Variants in SRRM4 observed in about 807,000 individuals in gnomAD.
SRRM4 encodes serine/arginine repetitive matrix protein 4.
In SRRM4, 33 loss-of-function variants were observed where a neutral mutation model predicts 68.9. The observed-to-expected ratio is 0.48, with a 90% CI of 0.36 to 0.64. SRRM4 has a LOEUF of 0.64. Among genes scored for constraint, SRRM4 ranks in the 30% least tolerant of loss-of-function variants. The pLI is 0.00. For missense variants in SRRM4, 817 were observed against 827.1 expected (o/e 0.99, Z 0.15); for synonymous variants, 318 against 318.8 (o/e 1.00, Z 0.03).
Position 119,160,832 on chromosome 12 carries a change from C to T in SRRM4, c.*4034C>T, listed in dbSNP as rs1954508715. The T allele has an allele frequency of 6.6e-6, 1 of 152,202 alleles. No individual in the cohort carries two copies. The highest frequency in any genetic ancestry group is 1.5e-5 in the Non-Finnish European group (1 of 68,050). 9.4% of individuals were successfully genotyped at this position (152,202 alleles called of 1,614,324 possible). ...CCATCATGAAAGTAAAAACGAAAAG[C>T]AAGATTTGATCTCCCTTCAGTTAAT... On this transcript the variant is annotated 3_prime_UTR_variant, in exon 13 of 13. Transcript: ENST00000267260.
intron 1 of SRRM4, chr12:119,001,295 T>C (rs1411802306): frequency 6.6e-6 from 1 of 152,206 alleles, no homozygotes; most frequent in African/African-American, 2.4e-5. Context: ...CTGGAAGTGA[T>C]TCAACACTCC....
At chr12:119,015,739 G>A (rs775802998) in intron 1 of SRRM4, among the ~76,000 whole-genome samples, 3 of 151,846 alleles carry the variant, frequency 2.0e-5, no homozygotes, top group Middle Eastern at 3.4e-3. Context: ...CAAACAATAC[G>A]CAAATTCCTC....
intron 1 of SRRM4, among the ~76,000 whole-genome samples, chr12:119,074,107 G>C (rs1168837731): frequency 6.6e-6 from 1 of 151,924 alleles, no homozygotes; most frequent in African/African-American, 2.4e-5. Context: ...AGGGGTGGCA[G>C]TTTCAGATAT....
chr12:119,052,003 T>C (rs995900167), intron 1 of SRRM4, among the ~76,000 whole-genome samples: 2 of 152,236 alleles, frequency 1.3e-5, no homozygotes, highest in African/African-American at 4.8e-5. Flanking sequence ...GACTTACCAG[T>C]GGCCACACAG....
chr12:118,996,608 C>T (rs758596760), intron 1 of SRRM4, among the ~76,000 whole-genome samples: 68 of 152,134 alleles, frequency 4.5e-4, no homozygotes, highest in Non-Finnish European at 8.4e-4. Context: ...GATTCCTAAA[C>T]GAAGCTCTGT....
In SRRM4 at chr12:119,130,689, G is replaced by T. The variant is rs114691929; in HGVS notation, c.626G>T (p.Arg209Leu). ...PSSCESRHRG[R>L]SPEEGQKSRR... ...TCCCCCATCCCCAGGCACCGCGGCC[G>T]GTCCCCTGAGGAAGGGCAGAAGTCC... Residue 209 changes from arginine (R) to leucine (L), a missense_variant, in exon 8 of 13, where the codon CGG becomes CTG. Transcript: ENST00000267260. 4.3e-6 allele frequency: 7 copies of T among 1,610,408 alleles called. No homozygotes were observed. The highest frequency in any genetic ancestry group is 4.0e-5 in the African/African-American group (3 of 74,844).
intron 1 of SRRM4, among the ~76,000 whole-genome samples, chr12:119,086,802 A>C (rs868563044): frequency 6.6e-6 from 1 of 152,230 alleles, no homozygotes; most frequent in African/African-American, 2.4e-5. Flanking sequence ...TTGAGCCTAG[A>C]AAAGATCCCT....
chr12:119,044,086 C>T (rs954835382), intron 1 of SRRM4, among the ~76,000 whole-genome samples: 4 of 152,098 alleles, frequency 2.6e-5, no homozygotes, highest in Admixed American at 6.5e-5. Context: ...AGGCTGGTCT[C>T]GAACTCCTGA....
chr12:119,012,609 T>C (rs1374342474), intron 1 of SRRM4, among the ~76,000 whole-genome samples: 3 of 152,234 alleles, frequency 2.0e-5, no homozygotes, highest in African/African-American at 7.2e-5. Context: ...AGATGATCTT[T>C]GTCTACCACT....
At chr12:119,029,156 G>A (rs906476742) in intron 1 of SRRM4, among the ~76,000 whole-genome samples, 6 of 152,110 alleles carry the variant, frequency 3.9e-5, no homozygotes, top group African/African-American at 1.4e-4. Context: ...TTCCCTCAAG[G>A]AAGAAGGAGA....
intron 1 of SRRM4, among the ~76,000 whole-genome samples, chr12:119,006,313 G>A (rs1953415870): frequency 6.8e-6 from 1 of 147,110 alleles, no homozygotes; most frequent in Non-Finnish European, 1.5e-5. Context: ...GATGGTGTGT[G>A]AGAAGAGACA....
At chr12:119,026,313 C>G (rs187774964) in intron 1 of SRRM4, among the ~76,000 whole-genome samples, 1 of 151,772 alleles carries the variant, frequency 6.6e-6, no homozygotes, top group African/African-American at 2.4e-5. Flanking sequence ...TGGAAGGTGA[C>G]AGGATCACAT....
chr12:118,993,685 A>G (rs1336144086), intron 1 of SRRM4, among the ~76,000 whole-genome samples: 3 of 152,190 alleles, frequency 2.0e-5, no homozygotes, highest in African/African-American at 4.8e-5. Flanking sequence ...GGTGGCCTCA[A>G]GATTGCTGTA....
chr12:119,141,162 C>G (rs1444899218), intron 8 of SRRM4, among the ~76,000 whole-genome samples: 4 of 152,150 alleles, frequency 2.6e-5, no homozygotes, highest in African/African-American at 9.7e-5. Context: ...AGCCTGGTCT[C>G]GAACTCCTGA....
intron 12 of SRRM4, among the ~76,000 whole-genome samples, chr12:119,155,500 A>G (rs1954466032): frequency 6.6e-6 from 1 of 152,258 alleles, no homozygotes; most frequent in Non-Finnish European, 1.5e-5. Flanking sequence ...TGGGAGGCCA[A>G]GGCAGGCGGA....
chr12:119,017,068 C>T (rs768195382), intron 1 of SRRM4, among the ~76,000 whole-genome samples: 9 of 152,190 alleles, frequency 5.9e-5, no homozygotes, highest in Non-Finnish European at 1.0e-4. Flanking sequence ...CTTTAATATC[C>T]GCATGGATTA....
chr12:119,094,012 T>C (rs772375477), intron 1 of SRRM4, among the ~76,000 whole-genome samples: 8 of 152,152 alleles, frequency 5.3e-5, no homozygotes, highest in Non-Finnish European at 1.0e-4. Flanking sequence ...TTGGCTGAGT[T>C]GGGCAAGAAA....
At chr12:119,133,317 T>C (rs1043014499) in intron 8 of SRRM4, among the ~76,000 whole-genome samples, 1 of 152,204 alleles carries the variant, frequency 6.6e-6, no homozygotes, top group Non-Finnish European at 1.5e-5. Flanking sequence ...GTGGTGATAG[T>C]AGTGGTGGTA....
At chr12:119,099,928 C>T (rs940543094) in intron 1 of SRRM4, among the ~76,000 whole-genome samples, 5 of 152,206 alleles carry the variant, frequency 3.3e-5, no homozygotes, top group African/African-American at 1.2e-4. Context: ...ACTTCTACTA[C>T]ATTCTTTTCA....
Sources: allele counts gnomAD v4.1 joint callset (sites outside exome capture counted in the v4.1 genomes callset), GRCh38; gene constraint gnomAD v4.1.1; transcripts MANE v1.5; gene names NCBI Gene and HGNC (gene_info 2026-07-23, HGNC 2026-07-21).